CSF2RA: variants seen among roughly 807,000 people sequenced by gnomAD.
CSF2RA encodes colony stimulating factor 2 receptor subunit alpha, also known as granulocyte-macrophage colony-stimulating factor receptor subunit alpha.
Under a neutral mutation model 51.6 loss-of-function variants are expected in CSF2RA, and 42 were observed. That is an observed-to-expected ratio of 0.81 (90% confidence interval 0.64 to 1.05). The LOEUF is 1.05. Ranked by LOEUF, CSF2RA falls within the 50% of genes least tolerant of loss-of-function variation. The pLI is 0.00. For synonymous variants in CSF2RA, 222 were observed against 193.0 expected (o/e 1.15, Z -1.24); for missense variants, 530 against 501.1 (o/e 1.06, Z -0.55).
intron 9 of CSF2RA, chrX:1,295,712 AAGG>A (rs1486630409): frequency 1.2e-4 from 82 of 671,662 alleles, no homozygotes; most frequent in African/African-American, 3.2e-4. Flanking sequence ...CACCTAGTGT[AAGG>A]AGGAGGAGAC....
At chrX:1,302,726 C>T (rs1404623538) in intron 10 of CSF2RA, among the ~76,000 whole-genome samples, 1 of 150,220 alleles carries the variant, frequency 6.7e-6, no homozygotes, top group African/African-American at 2.5e-5. Flanking sequence ...TGGAGTTTCG[C>T]TGTGTCACCC....
intron 12 of CSF2RA, among the ~76,000 whole-genome samples, chrX:1,308,075 C>G (rs1252248464): frequency 6.6e-6 from 1 of 151,652 alleles, no homozygotes; most frequent in Non-Finnish European, 1.5e-5. Context: ...AGGCCCACCC[C>G]CTTTAGACCT....
intron 4 of CSF2RA, among the ~76,000 whole-genome samples, chrX:1,288,292 G>C (rs1397145241): frequency 6.9e-6 from 1 of 144,882 alleles, no homozygotes; most frequent in South Asian, 2.3e-4. Context: ...GACCAGCCTG[G>C]CCAACATGGT....
Position 1,303,988 on chromosome X carries a change from T to G in CSF2RA, c.1012T>G (p.Cys338Gly). The change falls in exon 11 of 13, where the codon TGT (cysteine) becomes GGT (glycine). Residue 338 changes from cysteine to glycine, a missense_variant. Coordinates refer to ENST00000381529, the MANE Select transcript of CSF2RA (RefSeq NM_172245.4). ...YVLLIVGTLV[C>G]GIVLGFLFKR... ...GCTCCTAATCGTGGGAACCCTTGTC[T>G]GTGGCATCGTCCTCGGCTTCCTCTT... 1 of 1,613,152 alleles carries G rather than the reference T, an allele frequency of 6.2e-7. No homozygotes were observed. Among genetic ancestry groups the G allele is most frequent in the Non-Finnish European group, 8.5e-7 (1 of 1,179,756 alleles).
At chrX:1,310,080 A>C (rs754965679), downstream of CSF2RA, 163 of 331,042 alleles carry the variant, frequency 4.9e-4, no homozygotes, top group Middle Eastern at 4.6e-3. Flanking sequence ...CTGTAGTGCC[A>C]GCTATCTGGG....
chrX:1,290,764 C>G (rs2091324183), intron 7 of CSF2RA, among the ~76,000 whole-genome samples: 1 of 152,014 alleles, frequency 6.6e-6, no homozygotes, highest in South Asian at 2.1e-4. Context: ...ACTCGGAAGG[C>G]TGAGGAGAAT....
chrX:1,303,744 C>A (rs372430096), intron 10 of CSF2RA, among the ~76,000 whole-genome samples, 179 bp from the exon 11 acceptor site: 21 of 152,298 alleles, frequency 1.4e-4, no homozygotes, highest in African/African-American at 4.8e-4. Flanking sequence ...AGGCAGGTTG[C>A]TTTCATCTCA....
downstream of CSF2RA, among the ~76,000 whole-genome samples, chrX:1,311,601 T>C (rs1207782489): frequency 3.4e-5 from 5 of 147,920 alleles, no homozygotes. Flanking sequence ...TCCCGGCTAC[T>C]TTTTTTTGTT....
In CSF2RA at chrX:1,300,629, A is replaced by C. The variant is rs2092304806; in HGVS notation, c.946+3A>C. The stretch of plus-strand genomic sequence containing the variant: ...CTGGAGTGAAGCCATTGAATTTGGT[A>C]AGCGTTGGGCGGAGGTAAGGGATGT... On this transcript the variant is annotated splice_donor_region_variant and intron_variant, in intron 10 of 12. Coordinates refer to ENST00000381529, the MANE Select transcript of CSF2RA (RefSeq NM_172245.4). The C allele has an allele frequency of 6.2e-7, 1 of 1,613,764 alleles. No individual in the cohort carries two copies. The highest frequency in any genetic ancestry group is 8.5e-7 in the Non-Finnish European group (1 of 1,179,868).
chrX:1,282,471 C>T, intron 2 of CSF2RA: 5 of 618,516 alleles, frequency 8.1e-6, no homozygotes, highest in Non-Finnish European at 1.5e-5. Flanking sequence ...TCTTGAGATG[C>T]CAAAGATGTC....
rs776593551 is a variant in CSF2RA, at chrX:1,288,577, C to T, written c.278C>T (p.Thr93Ile). ...GAAATTTGTCTGCATGAAGGAGTCA[C>T]ATTTGAGGTTCACGTGAATACTAGT... Reference protein sequence around the residue: ...FREICLHEGVTFEVHVNTSQR... With the variant: ...FREICLHEGVIFEVHVNTSQR... Residue 93 changes from threonine (T) to isoleucine (I), a missense_variant, in exon 5 of 13, where the codon ACA (threonine) becomes ATA (isoleucine). Coordinates refer to ENST00000381529, the MANE Select transcript of CSF2RA (RefSeq NM_172245.4). 1 of 1,613,832 alleles carries T rather than the reference C, an allele frequency of 6.2e-7. No individual in the cohort carries two copies.
chrX:1,323,903 A>G, the CSF2RA span, among the ~76,000 whole-genome samples: 1 of 150,898 alleles, frequency 6.6e-6, no homozygotes, highest in Non-Finnish European at 1.5e-5. Context: ...AGTCCCAGCT[A>G]CTCGGGAGGC....
intron 8 of CSF2RA, 96 bp from the exon 9 acceptor site, chrX:1,295,331 T>G: frequency 2.0e-6 from 3 of 1,510,552 alleles, no homozygotes; most frequent in Non-Finnish European, 9.2e-7. Context: ...TCCTTCCCAT[T>G]CGGTGCCCAC....
At chrX:1,305,691 G>C in intron 12 of CSF2RA, 164 bp downstream of exon 12, 1 of 1,566,172 alleles carries the variant, frequency 6.4e-7, no homozygotes, top group Middle Eastern at 1.7e-4. Context: ...GCCTTCTCCC[G>C]GGTCGGGGTC....
intron 8 of CSF2RA, 118 bp from the exon 9 acceptor site, chrX:1,295,309 C>T (rs1324949913): frequency 2.3e-6 from 3 of 1,309,442 alleles, no homozygotes; most frequent in South Asian, 1.2e-5. Context: ...CTGCCTGCCA[C>T]TCCGCAGGGA....
chrX:1,282,793 C>A lies in CSF2RA; in HGVS notation c.76+14C>A, dbSNP rs755031164. 1 of 1,607,026 alleles carries A rather than the reference C, an allele frequency of 6.2e-7. No individual in the cohort carries two copies. Among genetic ancestry groups the A allele is most frequent in the Middle Eastern group, 1.7e-4 (1 of 6,028 alleles). ...CAGAGAAATCGGGTAAGTATGGAAA[C>A]CTGGCTGAACCTTCTCCGCGGCCCC... On this transcript the variant is annotated intron_variant, in intron 3 of 12. Transcript: ENST00000381529.
chrX:1,317,131 G>A, the CSF2RA span, among the ~76,000 whole-genome samples: 1 of 150,108 alleles, frequency 6.7e-6, no homozygotes, highest in Admixed American at 6.7e-5. Flanking sequence ...TGCATTTTTA[G>A]TAGAGACGAG....
chrX:1,283,115 G>C (rs183674509), intron 3 of CSF2RA, among the ~76,000 whole-genome samples: 160 of 91,110 alleles, frequency 1.8e-3, no homozygotes, highest in South Asian at 8.2e-3. Flanking sequence ...TCGTTCCTTC[G>C]TTCCTTCGTT....
intron 1 of CSF2RA, among the ~76,000 whole-genome samples, chrX:1,270,357 G>C (rs28390193): frequency 1.3e-5 from 2 of 151,672 alleles, no homozygotes; most frequent in Non-Finnish European, 2.9e-5. Flanking sequence ...CTCCCATCTC[G>C]GCCTCCCGAG....
Sources: gnomAD v4.1 joint callset for allele counts (sites outside exome capture counted in the v4.1 genomes callset) on GRCh38, gnomAD v4.1.1 for gene constraint, MANE v1.5 for transcripts, NCBI Gene and HGNC (gene_info 2026-07-23, HGNC 2026-07-21) for gene names.